BCL11B: variants seen among roughly 807,000 people sequenced by gnomAD.
The protein encoded by BCL11B is B-cell lymphoma/leukemia 11B.
BCL11B carries 8 observed loss-of-function variants against 49.9 expected under a neutral mutation model. The ratio of observed to expected loss-of-function variants is 0.16; its 90% CI spans 0.09 to 0.29. The LOEUF is 0.29. Ranked by LOEUF, BCL11B falls within the 10% of genes least tolerant of loss-of-function variation. The probability of loss-of-function intolerance (pLI) is 1.00; values close to 1 mark genes in which losing one functional copy is unlikely to be tolerated. For missense variants in BCL11B, 1,006 were observed against 1,351.0 expected (o/e 0.74, Z 4.00); for synonymous variants, 739 against 637.4 (o/e 1.16, Z -2.40).
Position 99,195,626 on chromosome 14 carries a change from C to T in BCL11B, c.641-19431G>A, listed in dbSNP as rs1488248298. On this transcript the variant is annotated intron_variant, in intron 3 of 3. Transcript: ENST00000357195. This position sits in a 1 kb window ranked among gnomAD's most constrained non-coding sequence, Gnocchi z 4.7. Reference sequence around the variant, plus strand: ...GCTCAGAGAGGTAAAGCAACCCACCCGAGGATACACAGCTTACATCCATCC... The same window carrying T: ...GCTCAGAGAGGTAAAGCAACCCACCTGAGGATACACAGCTTACATCCATCC... Among the ~76,000 whole-genome samples, 1 of 152,084 alleles carries T rather than the reference C, an allele frequency of 6.6e-6. No homozygotes were observed. The highest frequency in any genetic ancestry group is 1.5e-5 in the Non-Finnish European group (1 of 68,020).
chr14:99,222,356 T>C (rs1222436124), intron 3 of BCL11B, among the ~76,000 whole-genome samples: 2 of 152,180 alleles, frequency 1.3e-5, no homozygotes, highest in Non-Finnish European at 2.9e-5. Context: ...CCTCTTTCTC[T>C]CACAGGTGTA....
rs1213757328 is a variant in BCL11B at position 99,194,931 on chromosome 14, C to T, written c.641-18736G>A. On this transcript the variant is annotated intron_variant, in intron 3 of 3. Transcript: ENST00000357195. The surrounding 1 kb of genome is among the most constrained non-coding windows in gnomAD (Gnocchi z 4.6). ...AGGCTCAGGAACAAAGCGCGTCTACCCAAGGCCATCCAGGCAACAAGGCAG... is the reference window on the plus strand; with the variant it reads ...AGGCTCAGGAACAAAGCGCGTCTACTCAAGGCCATCCAGGCAACAAGGCAG... 6.6e-6 allele frequency among the ~76,000 whole-genome samples: 1 copy of T among 152,186 alleles called. No individual in the cohort carries two copies. Among genetic ancestry groups the T allele is most frequent in the Non-Finnish European group, 1.5e-5 (1 of 68,026 alleles).
rs117403098 is a variant in BCL11B at position 99,233,326 on chromosome 14, G to A, written c.428-1769C>T. Among the ~76,000 whole-genome samples the A allele has an allele frequency of 6.0e-3, 912 of 152,294 alleles. 6 individuals carry two copies. Among genetic ancestry groups the A allele is most frequent in the Non-Finnish European group, 0.01 (704 of 68,020 alleles). ...TCCACTGGGGGAAAACTGAGGCTTA[G>A]GGAGATCTGAGACTGGAACCCAGTT... On this transcript the variant is annotated intron_variant, in intron 2 of 3. Coordinates refer to ENST00000357195, the MANE Select transcript of BCL11B (RefSeq NM_138576.4).
chr14:99,257,350 G>C lies in BCL11B; in HGVS notation c.427+121C>G, dbSNP rs1274457324. On this transcript the variant is annotated intron_variant, in intron 2 of 3. Transcript: ENST00000357195. This position sits in a 1 kb window ranked among gnomAD's most constrained non-coding sequence, Gnocchi z 6.2. ...CCCTCAGAAAGGGGGAGCCCCGGCT[G>C]GTGGCCCAGAGGCCATCCTGGAAGC... The C allele has an allele frequency of 5.1e-5, 68 of 1,320,764 alleles. No homozygotes were observed. Among genetic ancestry groups the C allele is most frequent in the Non-Finnish European group, 6.8e-5 (67 of 991,976 alleles). The allele number at this position is 1,320,764 out of a possible 1,614,324, so 81.8% of individuals were successfully genotyped here.
chr14:99,218,069 T>TC (rs1460160060), intron 3 of BCL11B, among the ~76,000 whole-genome samples: 3 of 141,742 alleles, frequency 2.1e-5, no homozygotes, highest in African/African-American at 7.9e-5. Context: ...AGGTTTTTTT[T>TC]TTTTTTTTTT....
intron 3 of BCL11B, among the ~76,000 whole-genome samples, chr14:99,229,512 C>G (rs1331056221): frequency 2.6e-5 from 4 of 152,198 alleles, no homozygotes; most frequent in African/African-American, 9.7e-5. Context: ...GCCACTCTCC[C>G]TCCCCAAGCC....
At chr14:99,186,668 G>T (rs1886862715) in intron 3 of BCL11B, among the ~76,000 whole-genome samples, 1 of 152,198 alleles carries the variant, frequency 6.6e-6, no homozygotes, top group Non-Finnish European at 1.5e-5. Context: ...AAACACGCAA[G>T]AAACTTAGCT....
At chr14:99,223,544 T>C (rs1437449525) in intron 3 of BCL11B, among the ~76,000 whole-genome samples, 1 of 152,180 alleles carries the variant, frequency 6.6e-6, no homozygotes, top group Non-Finnish European at 1.5e-5. Flanking sequence ...ACAATTCTGT[T>C]TAATACGGCG....
At chr14:99,258,477 T>C (rs1207682670) in intron 1 of BCL11B, among the ~76,000 whole-genome samples, 1 of 150,324 alleles carries the variant, frequency 6.7e-6, no homozygotes, top group Non-Finnish European at 1.5e-5. Flanking sequence ...ACCTGGGACC[T>C]GGCCACACAC....
chr14:99,272,043 C>A lies in BCL11B; in HGVS notation c.-825G>T, dbSNP rs1004219093. ...CCGAGTCCCCGCGAGCGCTCCCCAG[C>A]GCTCCCCTGGCGCCGCGGGCCCGGG... On this transcript the variant is annotated 5_prime_UTR_variant, in exon 1 of 4. Transcript: ENST00000357195. This position sits in a 1 kb window ranked among gnomAD's most constrained non-coding sequence, Gnocchi z 6.0. Among the ~76,000 whole-genome samples the A allele has an allele frequency of 2.0e-5, 3 of 151,956 alleles. No homozygotes were observed. Among genetic ancestry groups the A allele is most frequent in the Admixed American group, 6.5e-5 (1 of 15,268 alleles).
intron 2 of BCL11B, among the ~76,000 whole-genome samples, chr14:99,249,468 G>A (rs1175111616): frequency 3.9e-5 from 6 of 152,166 alleles, no homozygotes; most frequent in Non-Finnish European, 8.8e-5. Flanking sequence ...GTCTCTAGGC[G>A]CAACTGAGCT....
chr14:99,177,173 C>CG (rs997877116), intron 3 of BCL11B, among the ~76,000 whole-genome samples: 23 of 152,042 alleles, frequency 1.5e-4, no homozygotes, highest in Non-Finnish European at 1.5e-5. Context: ...CCAGGGAAGG[C>CG]GGGGGCACAC....
chr14:99,176,595 C>T (rs892364834), intron 3 of BCL11B, among the ~76,000 whole-genome samples: 1 of 152,216 alleles, frequency 6.6e-6, no homozygotes, highest in Admixed American at 6.5e-5. Flanking sequence ...TCCCAGCCCT[C>T]GAGGATGCTC....
chr14:99,240,778 A>G (rs921922908), intron 2 of BCL11B, among the ~76,000 whole-genome samples: 5 of 152,212 alleles, frequency 3.3e-5, no homozygotes, highest in African/African-American at 9.6e-5. Flanking sequence ...ACTTCGCGGG[A>G]CTAATTTAAT....
rs1186855215 is a variant in BCL11B, at chr14:99,194,644, A to C, written c.641-18449T>G. Among the ~76,000 whole-genome samples, 4 of 152,200 alleles carry C rather than the reference A, an allele frequency of 2.6e-5. No homozygotes were observed. The highest frequency in any genetic ancestry group is 5.9e-5 in the Non-Finnish European group (4 of 68,036). On this transcript the variant is annotated intron_variant, in intron 3 of 3. Transcript: ENST00000357195. This position sits in a 1 kb window ranked among gnomAD's most constrained non-coding sequence, Gnocchi z 4.6. ...TGTCTGCAAAATGGCCCCCAGAGGAAGCTAATATTTTCCCTGTCACTCAGG... is the reference window on the plus strand; with the variant it reads ...TGTCTGCAAAATGGCCCCCAGAGGACGCTAATATTTTCCCTGTCACTCAGG...
intron 2 of BCL11B, among the ~76,000 whole-genome samples, chr14:99,246,671 C>T (rs1049316788): frequency 6.6e-6 from 1 of 152,120 alleles, no homozygotes; most frequent in Admixed American, 6.5e-5. Flanking sequence ...TCCTGTGTGG[C>T]AATGAAGGGG....
chr14:99,179,903 A>T (rs1886652067), intron 3 of BCL11B, among the ~76,000 whole-genome samples: 1 of 152,186 alleles, frequency 6.6e-6, no homozygotes, highest in African/African-American at 2.4e-5. Flanking sequence ...TCAGAAATGG[A>T]ACAATGTCAG....
Position 99,257,477 on chromosome 14 carries a change from T to C in BCL11B, c.421A>G (p.Ile141Val), listed in dbSNP as rs772467266. 2.5e-6 allele frequency: 4 copies of C among 1,593,936 alleles called. No individual in the cohort carries two copies. In the East Asian group the frequency reaches 9.0e-5, roughly 36 times the overall value. ...CAAGCGCAGCATCCCATACCTGCAA[T>C]GTTCTCCTGCTTGGGACAGATGCCT... ...TKGICPKQEN[I>V]AGPCRPAQLP... Residue 141 changes from isoleucine to valine, a missense_variant, in exon 2 of 4, where the codon ATT becomes GTT. This residue lies in a region of BCL11B where 411 missense variants were observed against 542.2 expected (regional missense o/e 0.76). Transcript: ENST00000357195. The surrounding 1 kb of genome is among the most constrained non-coding windows in gnomAD (Gnocchi z 6.2).
At chr14:99,243,415 G>A (rs1189452327) in intron 2 of BCL11B, among the ~76,000 whole-genome samples, 1 of 152,150 alleles carries the variant, frequency 6.6e-6, no homozygotes, top group Non-Finnish European at 1.5e-5. Context: ...TGCCCCCACG[G>A]ACTGAACAAT....
Sources: gnomAD v4.1 joint callset for allele counts (sites outside exome capture counted in the v4.1 genomes callset) on GRCh38, gnomAD v4.1.1 for gene constraint, gnomAD v4.1.1 regional missense constraint, Gnocchi (gnomAD v3.1) non-coding constraint, MANE v1.5 for transcripts, NCBI Gene and HGNC (gene_info 2026-07-23, HGNC 2026-07-21) for gene names.